Variants in TMTC2 observed in about 807,000 individuals in gnomAD.
TMTC2 encodes transmembrane O-mannosyltransferase targeting cadherins 2, also known as protein O-mannosyl-transferase TMTC2.
A neutral mutation model predicts 82.4 loss-of-function variants in TMTC2; 43 were observed. The observed-to-expected ratio is 0.52, with a 90% CI of 0.41 to 0.67. The LOEUF (loss-of-function observed/expected upper bound fraction) is 0.67. TMTC2 is among the 30% of genes least tolerant of loss of function. TMTC2 has a pLI of 0.00. For synonymous variants in TMTC2, 408 were observed against 381.9 expected (o/e 1.07, Z -0.80); for missense variants, 919 against 1,012.4 (o/e 0.91, Z 1.25).
chr12:82,965,256 C>A, intron 5 of TMTC2, 147 bp downstream of exon 5: 1 of 655,082 alleles, frequency 1.5e-6, no homozygotes, highest in Non-Finnish European at 2.6e-6. Context: ...AATTATATCT[C>A]AATTGCATCA....
chr12:83,009,645 A>G (rs745156), intron 8 of TMTC2, among the ~76,000 whole-genome samples: 1 of 150,304 alleles, frequency 6.7e-6, no homozygotes, highest in Admixed American at 6.6e-5. Context: ...TTTTTCCCCC[A>G]AAAAAACACT....
chr12:82,937,724 GTGTGGA>G (rs1184213854), intron 4 of TMTC2, among the ~76,000 whole-genome samples: 11,671 of 50,824 alleles, frequency 0.23, 892 homozygotes, highest in Middle Eastern at 0.32. Flanking sequence ...GTGTGTGTGT[GTGTGGA>G]TGTGTGTGTG....
chr12:82,888,794 G>A (rs1873234794), intron 2 of TMTC2, among the ~76,000 whole-genome samples: 1 of 152,112 alleles, frequency 6.6e-6, no homozygotes, highest in South Asian at 2.1e-4. Context: ...CTCTAGAAGA[G>A]AGTGTTTTGA....
At chr12:82,929,669 T>A (rs1875919527) in intron 3 of TMTC2, among the ~76,000 whole-genome samples, 1 of 152,094 alleles carries the variant, frequency 6.6e-6, no homozygotes, top group African/African-American at 2.4e-5. Context: ...ATACCCCATC[T>A]CCTTGTAGGA....
intron 2 of TMTC2, among the ~76,000 whole-genome samples, chr12:82,875,042 G>A (rs985152978): frequency 6.6e-6 from 1 of 152,044 alleles, no homozygotes; most frequent in Admixed American, 6.6e-5. Flanking sequence ...TGCTGTGAGG[G>A]CCATATGGAG....
chr12:82,716,786 C>T lies in TMTC2; in HGVS notation c.83+29117C>T, dbSNP rs145599613. Among the ~76,000 whole-genome samples, 1,499 of 152,316 alleles carry T rather than the reference C, an allele frequency of 9.8e-3. 24 individuals are homozygous for T. The highest frequency in any genetic ancestry group is 0.048 in the Admixed American group (741 of 15,288). ...TTGCACTATAGTCTACCATGTGTTA[C>T]ATCATTCACTAATAGAAAATGATAA... On this transcript the variant is annotated intron_variant, in intron 1 of 11. Transcript: ENST00000321196.
chr12:83,077,383 A>G (rs952945621), intron 11 of TMTC2, among the ~76,000 whole-genome samples: 2 of 152,076 alleles, frequency 1.3e-5, no homozygotes, highest in African/African-American at 2.4e-5. Flanking sequence ...CACTTAGCTC[A>G]TATCCCTTTG....
chr12:82,815,634 A>G (rs569992843), intron 1 of TMTC2, among the ~76,000 whole-genome samples: 1 of 152,196 alleles, frequency 6.6e-6, no homozygotes, highest in East Asian at 1.9e-4. Flanking sequence ...TCTACTGAAG[A>G]TAAATACAGA....
chr12:82,812,461 T>G (rs1565761135), intron 1 of TMTC2, among the ~76,000 whole-genome samples: 1 of 152,130 alleles, frequency 6.6e-6, no homozygotes, highest in East Asian at 1.9e-4. Context: ...ATCAACTGAC[T>G]TAGCCAAGTT....
At chr12:82,979,317 T>A (rs769679110) in intron 7 of TMTC2, among the ~76,000 whole-genome samples, 1 of 151,774 alleles carries the variant, frequency 6.6e-6, no homozygotes, top group Admixed American at 6.6e-5. Flanking sequence ...AATTTCTTGC[T>A]TTTTATTTTT....
intron 4 of TMTC2, among the ~76,000 whole-genome samples, chr12:82,947,595 G>T (rs946223151): frequency 6.6e-5 from 10 of 152,034 alleles, no homozygotes; most frequent in African/African-American, 2.4e-4. Context: ...CTCCCAAAGT[G>T]CTGGGATTAC....
chr12:83,078,800 C>G (rs2137500827), intron 11 of TMTC2, among the ~76,000 whole-genome samples: 1 of 152,144 alleles, frequency 6.6e-6, no homozygotes, highest in East Asian at 1.9e-4. Flanking sequence ...TGAAATGACT[C>G]TGAGATGCTG....
chr12:83,111,390 TAGAC>T (rs1390788597), intron 11 of TMTC2, among the ~76,000 whole-genome samples: 1 of 152,246 alleles, frequency 6.6e-6, no homozygotes, highest in Non-Finnish European at 1.5e-5. Flanking sequence ...GAAGTAGTCA[TAGAC>T]AGTACATATA....
chr12:82,788,125 G>T (rs528050857), intron 1 of TMTC2, among the ~76,000 whole-genome samples: 11 of 151,790 alleles, frequency 7.2e-5, no homozygotes, highest in Non-Finnish European at 1.2e-4. Flanking sequence ...GACTGTAATG[G>T]ATTTTCTTTA....
rs1425722506 is a variant in TMTC2, at chr12:83,006,654, G to A, written c.2070+20608G>A. ...CTGCTATAAAGACACATGCACACAC[G>A]TATGTTTATTGTGGGACTATTCACA... On this transcript the variant is annotated intron_variant, in intron 8 of 11. Transcript: ENST00000321196. Among the ~76,000 whole-genome samples the A allele has an allele frequency of 3.3e-5, 5 of 152,166 alleles. No homozygotes were observed. In the East Asian group the frequency reaches 5.8e-4, roughly 18 times the overall value.
chr12:82,822,946 G>C (rs1408396782), intron 1 of TMTC2, among the ~76,000 whole-genome samples: 1 of 152,138 alleles, frequency 6.6e-6, no homozygotes, highest in Non-Finnish European at 1.5e-5. Context: ...TCTGGAGGCA[G>C]GTATGGGAGA....
At chr12:83,109,080 C>T (rs924608444) in intron 11 of TMTC2, among the ~76,000 whole-genome samples, 1 of 152,144 alleles carries the variant, frequency 6.6e-6, no homozygotes, top group Non-Finnish European at 1.5e-5. Context: ...CTTTTCTCTG[C>T]ATCACCAGTG....
intron 11 of TMTC2, among the ~76,000 whole-genome samples, chr12:83,117,704 A>G (rs1884808059): frequency 6.6e-6 from 1 of 152,036 alleles, no homozygotes; most frequent in Non-Finnish European, 1.5e-5. Flanking sequence ...TGATGTTGGT[A>G]TTTTGATGGG....
At chr12:82,775,246 T>C (rs1877525853) in intron 1 of TMTC2, among the ~76,000 whole-genome samples, 1 of 151,926 alleles carries the variant, frequency 6.6e-6, no homozygotes, top group Non-Finnish European at 1.5e-5. Context: ...CCTAGGAGTT[T>C]GAGACCGGCC....
Sources: allele counts gnomAD v4.1 joint callset (sites outside exome capture counted in the v4.1 genomes callset), GRCh38; gene constraint gnomAD v4.1.1; transcripts MANE v1.5; gene names NCBI Gene and HGNC (gene_info 2026-07-23, HGNC 2026-07-21).